Variants in FAM228B observed in about 807,000 individuals in gnomAD.
The protein encoded by FAM228B is protein FAM228B.
A neutral mutation model predicts 42.6 loss-of-function variants in FAM228B; 38 were observed. The observed-to-expected ratio is 0.89, with a 90% CI of 0.69 to 1.17. FAM228B has a LOEUF of 1.17. FAM228B is among the 50% of genes most tolerant of loss of function. The pLI, the probability that FAM228B is intolerant of heterozygous loss-of-function variation, is 0.00. For missense variants in FAM228B, 344 were observed against 367.3 expected (o/e 0.94, Z 0.52); for synonymous variants, 109 against 122.3 (o/e 0.89, Z 0.72).
upstream of FAM228B, chr2:24,119,692 G>A (rs753031323): frequency 1.9e-6 from 3 of 1,584,924 alleles, no homozygotes; most frequent in Non-Finnish European, 2.6e-6. Context: ...CCTGTATAAA[G>A]AATATAAGAG....
At chr2:24,165,288 G>A (rs1667376452) in intron 9 of FAM228B, 3 of 455,910 alleles carry the variant, frequency 6.6e-6, no homozygotes, top group Non-Finnish European at 1.4e-5. Context: ...CCAACTCAAG[G>A]CCAAGGAGCA....
intron 3 of FAM228B, among the ~76,000 whole-genome samples, chr2:24,113,900 C>G (rs1308457988): frequency 6.6e-6 from 1 of 151,884 alleles, no homozygotes. Context: ...AACAACAAAA[C>G]CCCCAAAAGA....
chr2:24,130,215 G>A (rs1666422898), intron 2 of FAM228B, among the ~76,000 whole-genome samples: 1 of 152,146 alleles, frequency 6.6e-6, no homozygotes, highest in Admixed American at 6.5e-5. Context: ...TATCATTGAT[G>A]GGCATTTGGG....
Position 24,080,068 on chromosome 2 carries a change from A to T in FAM228B, c.-289-808A>T, listed in dbSNP as rs1411596777. 1.3e-5 allele frequency among the ~76,000 whole-genome samples: 2 copies of T among 152,178 alleles called. No homozygotes were observed. Among genetic ancestry groups the T allele is most frequent in the Non-Finnish European group, 2.9e-5 (2 of 68,028 alleles). ...ATCTCTCCTTTTCTACTCACATAAA[A>T]AATGGAGGCCAGGCATGGTGGCTCA... On this transcript the variant is annotated intron_variant, in intron 1 of 10. Transcript: ENST00000613899. This position sits in a 1 kb window ranked among gnomAD's most constrained non-coding sequence, Gnocchi z 4.7.
rs1234904862 is a variant in FAM228B, at chr2:24,169,494, C to CT, written c.*154dup. Reference sequence around the variant, plus strand: ...ACGGCACTCAAGAATTGTCCTGTCTCTAAAAAAAAAGCATCTGCAACGAAC... The same window carrying CT: ...ACGGCACTCAAGAATTGTCCTGTCTCTTAAAAAAAAAGCATCTGCAACGAAC... On this transcript the variant is annotated 3_prime_UTR_variant, in exon 11 of 11. Transcript: ENST00000615575. The surrounding 1 kb of genome is among the most constrained non-coding windows in gnomAD (Gnocchi z 4.2). 2.0e-5 allele frequency: 6 copies of CT among 305,752 alleles called. No individual in the cohort carries two copies. Among genetic ancestry groups the CT allele is most frequent in the Non-Finnish European group, 4.6e-5 (6 of 130,616 alleles). The allele number at this position is 305,752 out of a possible 1,614,324, so 18.9% of individuals were successfully genotyped here.
chr2:24,092,895 T>C (rs1032416082), intron 2 of FAM228B, among the ~76,000 whole-genome samples: 9 of 146,038 alleles, frequency 6.2e-5, no homozygotes, highest in Non-Finnish European at 9.0e-5. Context: ...AATGACAAAA[T>C]ACCCCCATAC....
chr2:24,167,057 G>T (rs370549959), intron 9 of FAM228B, among the ~76,000 whole-genome samples: 2 of 152,192 alleles, frequency 1.3e-5, no homozygotes, highest in African/African-American at 4.8e-5. Flanking sequence ...AGGGGAAGCT[G>T]TGCGGAGGTC....
chr2:24,140,052 T>A lies in FAM228B; in HGVS notation c.441+602T>A, dbSNP rs79960688. ...CTGAAGGATTAACCAAGTCTTAGGG[T>A]TTTTTTCACATTTATTTCACCTTTG... On this transcript the variant is annotated intron_variant, in intron 5 of 10. Coordinates refer to ENST00000615575, the MANE Select transcript of FAM228B (RefSeq NM_001145710.2). 3.6e-3 allele frequency among the ~76,000 whole-genome samples: 549 copies of A among 152,320 alleles called. 13 individuals are homozygous for A. Among genetic ancestry groups the A allele is most frequent in the East Asian group, 4.6e-3 (24 of 5,184 alleles).
chr2:24,130,614 A>G (rs1235158230), intron 2 of FAM228B, among the ~76,000 whole-genome samples: 1 of 152,106 alleles, frequency 6.6e-6, no homozygotes, highest in Non-Finnish European at 1.5e-5. Context: ...TCTTCTTTTG[A>G]GAAGCATCTG....
At chr2:24,085,919 CA>C (rs1665228126) in intron 2 of FAM228B, 1 of 152,154 alleles carries the variant, frequency 6.6e-6, no homozygotes, top group Non-Finnish European at 1.5e-5. Context: ...AGGAAAAATT[CA>C]GGAGACCCTG....
chr2:24,112,593 T>C (rs752503293), intron 3 of FAM228B, among the ~76,000 whole-genome samples: 2 of 152,200 alleles, frequency 1.3e-5, no homozygotes, highest in Non-Finnish European at 2.9e-5. Context: ...TGAGCCACCA[T>C]GCCGGGCCCA....
At chr2:24,087,268 A>G (rs984410436) in intron 2 of FAM228B, 8 of 152,078 alleles carry the variant, frequency 5.3e-5, no homozygotes, top group African/African-American at 1.9e-4. Flanking sequence ...TTAACTAGAT[A>G]TACGGTCTTG....
rs1664890275 is a variant in FAM228B at position 24,079,240 on chromosome 2, CTTCTT to C, written c.-289-1632_-289-1628del. On this transcript the variant is annotated intron_variant, in intron 1 of 10. Coordinates refer to the FAM228B transcript ENST00000613899. ...GATAACCTGTGAAGTATCAGCTACACTTCTTTTCATGATACTGAAGCTTCTATCAA... is the reference window on the plus strand; with the variant it reads ...GATAACCTGTGAAGTATCAGCTACACTTCATGATACTGAAGCTTCTATCAA... 8.7e-6 allele frequency: 5 copies of C among 576,238 alleles called. No individual in the cohort carries two copies. In the Admixed American group the frequency reaches 9.0e-5, roughly 10 times the overall value. The allele number at this position is 576,238 out of a possible 1,614,324, so 35.7% of individuals were successfully genotyped here. A position where few individuals can be genotyped will look rare whatever the true frequency, so the allele number is the denominator to read the frequency against.
intron 7 of FAM228B, among the ~76,000 whole-genome samples, chr2:24,147,621 A>G (rs111808832): frequency 1.1e-3 from 160 of 151,736 alleles, no homozygotes; most frequent in African/African-American, 3.6e-3. Context: ...ATGATTTCTG[A>G]CTTGTTTTTA....
At chr2:24,152,593 G>A (rs6713263) in intron 7 of FAM228B, among the ~76,000 whole-genome samples, 87,979 of 152,016 alleles carry the variant, frequency 0.58, 26,139 homozygotes, top group East Asian at 0.73. Flanking sequence ...ACTAGGCAGA[G>A]ACTCCTGATA....
chr2:24,154,703 G>A (rs1344700203), intron 7 of FAM228B, among the ~76,000 whole-genome samples: 1 of 152,198 alleles, frequency 6.6e-6, no homozygotes, highest in Non-Finnish European at 1.5e-5. Context: ...CCTGCCTCTC[G>A]TGGGAGGGAC....
In FAM228B at chr2:24,161,556, T is replaced by C; in HGVS notation, c.737T>C (p.Leu246Ser). ...FNDCSFDLKPLARAPYLLESQ... is the reference protein window; with the variant it reads ...FNDCSFDLKPSARAPYLLESQ... ...GACTGTAGTTTTGATTTGAAACCTT[T>C]GGCAAGAGCTCCTTATCTTTTGGAA... The change falls in exon 8 of 11, where the codon TTG becomes TCG. Residue 246 changes from leucine (L) to serine (S), a missense_variant. Transcript: ENST00000615575. 6.5e-7 allele frequency: 1 copy of C among 1,548,420 alleles called. No individual in the cohort carries two copies. Among genetic ancestry groups the C allele is most frequent in the Non-Finnish European group, 8.7e-7 (1 of 1,143,932 alleles).
chr2:24,168,407 G>T (rs570958978), intron 10 of FAM228B, among the ~76,000 whole-genome samples: 1 of 152,220 alleles, frequency 6.6e-6, no homozygotes, highest in African/African-American at 2.4e-5. Context: ...CAGAGGCCCA[G>T]TAGAGAAAGG....
chr2:24,167,730 C>T (rs532053916), intron 10 of FAM228B, 47 bp downstream of exon 10: 1 of 1,545,996 alleles, frequency 6.5e-7, no homozygotes, highest in Non-Finnish European at 8.8e-7. Context: ...TTCCTTACCC[C>T]TGTTTCTTGC....
Sources: allele counts gnomAD v4.1 joint callset (sites outside exome capture counted in the v4.1 genomes callset), GRCh38; gene constraint gnomAD v4.1.1; non-coding constraint Gnocchi (gnomAD v3.1); transcripts MANE v1.5; gene names NCBI Gene and HGNC (gene_info 2026-07-23, HGNC 2026-07-21).